The following PTPRK variants were observed in gnomAD, a reference collection of about 807,000 sequenced individuals.
The protein encoded by PTPRK is receptor-type tyrosine-protein phosphatase kappa.
PTPRK carries 75 observed loss-of-function variants against 178.0 expected under a neutral mutation model. The ratio of observed to expected loss-of-function variants is 0.42; its 90% CI spans 0.35 to 0.51. The LOEUF is 0.51. PTPRK is among the 20% of genes least tolerant of loss of function. The pLI is 0.02. For synonymous variants in PTPRK, 637 were observed against 620.6 expected (o/e 1.03, Z -0.39); for missense variants, 1,441 against 1,797.8 (o/e 0.80, Z 3.59).
chr6:128,300,263 C>A (rs1022666248), intron 3 of PTPRK, among the ~76,000 whole-genome samples: 1 of 152,236 alleles, frequency 6.6e-6, no homozygotes, highest in Non-Finnish European at 1.5e-5. Flanking sequence ...AACACTTTTA[C>A]ACTCTTGGTG....
intron 7 of PTPRK, among the ~76,000 whole-genome samples, chr6:128,157,173 T>A (rs1176518147): frequency 6.6e-6 from 1 of 152,008 alleles, no homozygotes; most frequent in Non-Finnish European, 1.5e-5. Context: ...TCACAGGAAG[T>A]TGTTCCAGAC....
In PTPRK at chr6:128,147,943, G is replaced by A. The variant is rs536903440; in HGVS notation, c.1162+36489C>T. Among the ~76,000 whole-genome samples, 6 of 152,192 alleles carry A rather than the reference G, an allele frequency of 3.9e-5. No individual in the cohort carries two copies. In the South Asian group the frequency reaches 1.0e-3, roughly 26 times the overall value. ...AAATGTACAGATTCTTTCTTATTGT[G>A]GAGAAGGTTAAAAGGTAAATTTGTA... On this transcript the variant is annotated intron_variant, in intron 7 of 29. Coordinates refer to ENST00000368226, the MANE Select transcript of PTPRK (RefSeq NM_002844.4).
At chr6:128,187,784 A>G (rs1803025811) in intron 6 of PTPRK, among the ~76,000 whole-genome samples, 1 of 152,196 alleles carries the variant, frequency 6.6e-6, no homozygotes, top group Admixed American at 6.5e-5. Context: ...AGAGAGGCTT[A>G]AAAGCATATG....
chr6:127,981,674 G>A (rs1775355801), intron 24 of PTPRK, among the ~76,000 whole-genome samples: 1 of 152,118 alleles, frequency 6.6e-6, no homozygotes, highest in Non-Finnish European at 1.5e-5. Context: ...GATAAGCTAT[G>A]GCATGTTGGA....
At chr6:128,034,192 T>C (rs1237880244) in intron 13 of PTPRK, among the ~76,000 whole-genome samples, 1 of 152,168 alleles carries the variant, frequency 6.6e-6, no homozygotes, top group East Asian at 1.9e-4. Context: ...ACCAGAAACA[T>C]CTATGTGCAC....
chr6:128,025,267 C>T (rs1384742670), intron 13 of PTPRK, among the ~76,000 whole-genome samples: 1 of 152,198 alleles, frequency 6.6e-6, no homozygotes, highest in Non-Finnish European at 1.5e-5. Flanking sequence ...ATTCATATAA[C>T]GAAGTCTCTG....
chr6:128,492,173 C>T (rs1018992167), intron 1 of PTPRK, among the ~76,000 whole-genome samples: 7 of 152,238 alleles, frequency 4.6e-5, no homozygotes, highest in Middle Eastern at 3.4e-3. Context: ...GTTCCTAGTA[C>T]CGTACTTCTG....
At chr6:128,390,993 G>C (rs1286949352) in intron 2 of PTPRK, among the ~76,000 whole-genome samples, 1 of 152,080 alleles carries the variant, frequency 6.6e-6, no homozygotes, top group Non-Finnish European at 1.5e-5. Flanking sequence ...AAGCCATCTT[G>C]ATGGAGCCAG....
intron 13 of PTPRK, among the ~76,000 whole-genome samples, chr6:128,049,963 G>A (rs1260513964): frequency 6.6e-6 from 1 of 152,012 alleles, no homozygotes; most frequent in African/African-American, 2.4e-5. Flanking sequence ...CCGGAGAAAC[G>A]CCATCTCTAC....
chr6:128,038,329 T>A (rs908386606), intron 13 of PTPRK, among the ~76,000 whole-genome samples: 1 of 152,300 alleles, frequency 6.6e-6, no homozygotes, highest in South Asian at 2.1e-4. Flanking sequence ...TAAGTTAACA[T>A]TTTTTAAAAA....
intron 2 of PTPRK, among the ~76,000 whole-genome samples, chr6:128,369,531 T>A (rs1020866830): frequency 6.6e-6 from 1 of 152,208 alleles, no homozygotes; most frequent in African/African-American, 2.4e-5. Flanking sequence ...ATTCTTGACA[T>A]ACAAAAGAAT....
chr6:127,970,229 A>G lies in PTPRK; in HGVS notation c.4321T>C (p.Ter1441GlnextTer6). 1 of 1,607,718 alleles carries G rather than the reference A, an allele frequency of 6.2e-7. No homozygotes were observed. The highest frequency in any genetic ancestry group is 8.5e-7 in the Non-Finnish European group (1 of 1,175,872). ...DVALEYLESS* is the reference protein window; with the variant it reads ...DVALEYLESSQ ...GCACTTTAAAGAGTCTCACCCAACT[A>G]AGATGATTCCAGGTACTCCAAAGCT... The change falls in exon 30 of 30, where the codon TAG becomes CAG. Residue 1441 changes from the stop codon to glutamine, a stop_lost. Coordinates refer to ENST00000368226, the MANE Select transcript of PTPRK (RefSeq NM_002844.4).
At chr6:128,027,639 C>T (rs1057272406) in intron 13 of PTPRK, among the ~76,000 whole-genome samples, 2 of 151,906 alleles carry the variant, frequency 1.3e-5, no homozygotes, top group South Asian at 2.1e-4. Context: ...GCTCTGTCAC[C>T]GAGTCTGGAG....
chr6:128,257,197 T>C (rs1394924283), intron 3 of PTPRK, among the ~76,000 whole-genome samples: 1 of 146,698 alleles, frequency 6.8e-6, no homozygotes, highest in Admixed American at 6.9e-5. Context: ...GCCATTGCAC[T>C]CCAGCCTGGG....
chr6:128,450,086 C>G (rs1299257548), intron 1 of PTPRK, among the ~76,000 whole-genome samples: 1 of 151,212 alleles, frequency 6.6e-6, no homozygotes, highest in East Asian at 1.9e-4. Flanking sequence ...CCATTTCACT[C>G]CAGCCTGGGT....
In PTPRK at chr6:128,149,337, G is replaced by C. The variant is rs187804424; in HGVS notation, c.1162+35095C>G. The stretch of plus-strand genomic sequence containing the variant: ...AATAAAGAAAATATGGCATATCATG[G>C]TTAATGAAATAATAATAATATTGAT... On this transcript the variant is annotated intron_variant, in intron 7 of 29. Coordinates refer to ENST00000368226, the MANE Select transcript of PTPRK (RefSeq NM_002844.4). 1.4e-4 allele frequency among the ~76,000 whole-genome samples: 22 copies of C among 151,918 alleles called. 1 individual carries two copies. Among genetic ancestry groups the C allele is most frequent in the African/African-American group, 4.6e-4 (19 of 41,406 alleles).
At chr6:128,101,805 C>T (rs549752481) in intron 7 of PTPRK, among the ~76,000 whole-genome samples, 1 of 152,250 alleles carries the variant, frequency 6.6e-6, no homozygotes, top group Non-Finnish European at 1.5e-5. Context: ...GTAGCACTGT[C>T]CAACATATGT....
At chr6:128,121,614 T>C (rs1684827634) in intron 7 of PTPRK, among the ~76,000 whole-genome samples, 3 of 152,050 alleles carry the variant, frequency 2.0e-5, no homozygotes, top group Admixed American at 1.3e-4. Flanking sequence ...AGCATGTTAA[T>C]ACTATTTTGC....
intron 7 of PTPRK, among the ~76,000 whole-genome samples, chr6:128,176,528 A>G (rs1049446615): frequency 2.6e-5 from 4 of 151,858 alleles, no homozygotes; most frequent in African/African-American, 9.7e-5. Flanking sequence ...GCTTAGGGTG[A>G]CATAAAAGGC....
Sources: allele counts gnomAD v4.1 joint callset (sites outside exome capture counted in the v4.1 genomes callset), GRCh38; gene constraint gnomAD v4.1.1; transcripts MANE v1.5; gene names NCBI Gene and HGNC (gene_info 2026-07-23, HGNC 2026-07-21).